The following MYRIP variants were observed in gnomAD, a reference collection of about 807,000 sequenced individuals.
MYRIP encodes rab effector MyRIP.
A neutral mutation model predicts 98.0 loss-of-function variants in MYRIP; 49 were observed. The ratio of observed to expected loss-of-function variants is 0.50; its 90% CI spans 0.40 to 0.63. The LOEUF is 0.63. Among genes scored for constraint, MYRIP ranks in the 30% least tolerant of loss-of-function variants. The pLI is 0.00. For synonymous variants in MYRIP, 404 were observed against 409.5 expected, an observed-to-expected ratio of 0.99 and a Z score of 0.16; for missense variants, 1,004 against 1,058.2, an observed-to-expected ratio of 0.95 and a Z score of 0.71.
intron 13 of MYRIP, among the ~76,000 whole-genome samples, chr3:40,249,230 A>G (rs1490005195): frequency 1.3e-5 from 2 of 152,162 alleles, no homozygotes; most frequent in African/African-American, 2.4e-5. Flanking sequence ...TGATTCCCTA[A>G]CAACACTCAG....
chr3:39,955,704 A>T (rs971088090), intron 2 of MYRIP, among the ~76,000 whole-genome samples: 1 of 152,216 alleles, frequency 6.6e-6, no homozygotes, highest in Non-Finnish European at 1.5e-5. Flanking sequence ...AAATGGGCTA[A>T]ATGCTGCAAT....
chr3:40,051,033 T>C (rs768795515), intron 3 of MYRIP, among the ~76,000 whole-genome samples: 7 of 152,300 alleles, frequency 4.6e-5, no homozygotes, highest in African/African-American at 1.4e-4. Context: ...GAAGATACTA[T>C]GAACATTGTT....
chr3:39,967,723 C>G (rs184137932), intron 2 of MYRIP, among the ~76,000 whole-genome samples: 152 of 152,268 alleles, frequency 1.0e-3, no homozygotes, highest in Non-Finnish European at 1.5e-3. Context: ...GTTCCCATTT[C>G]CCTGCAACCT....
intron 2 of MYRIP, among the ~76,000 whole-genome samples, chr3:40,030,481 C>T (rs1168356000): frequency 6.6e-6 from 1 of 152,108 alleles, no homozygotes; most frequent in African/African-American, 2.4e-5. Context: ...CCTACCAATT[C>T]TACTCCTATA....
At chr3:40,027,443 A>T (rs960011156) in intron 2 of MYRIP, among the ~76,000 whole-genome samples, 1 of 151,716 alleles carries the variant, frequency 6.6e-6, no homozygotes, top group African/African-American at 2.4e-5. Context: ...CCCCAATACT[A>T]AGCTCTTTTT....
intron 3 of MYRIP, among the ~76,000 whole-genome samples, chr3:40,143,536 C>T (rs1361934864): frequency 2.6e-5 from 4 of 152,178 alleles, no homozygotes; most frequent in African/African-American, 9.7e-5. Flanking sequence ...CATGACTGAG[C>T]CTTCCCTGGA....
chr3:40,056,085 C>T (rs9832726), intron 3 of MYRIP, among the ~76,000 whole-genome samples: 1 of 151,904 alleles, frequency 6.6e-6, no homozygotes, highest in African/African-American at 2.4e-5. Context: ...GCACGTGTGA[C>T]AGGCATCCCT....
intron 2 of MYRIP, among the ~76,000 whole-genome samples, chr3:39,954,735 G>A (rs1177980700): frequency 2.5e-4 from 38 of 152,080 alleles, no homozygotes; most frequent in Admixed American, 2.3e-3. Flanking sequence ...CAAGCTGAAG[G>A]AGGATGTTCA....
intron 2 of MYRIP, among the ~76,000 whole-genome samples, chr3:39,973,834 G>T (rs1945668477): frequency 1.3e-5 from 2 of 152,268 alleles, no homozygotes; most frequent in Middle Eastern, 3.4e-3. Flanking sequence ...CAGAAATAAA[G>T]ATGTTCTTTG....
chr3:40,150,193 C>T (rs900484925), intron 3 of MYRIP, among the ~76,000 whole-genome samples: 4 of 152,174 alleles, frequency 2.6e-5, no homozygotes, highest in Admixed American at 2.0e-4. Context: ...TAGGTTCAAG[C>T]GATTCTCCTG....
intron 1 of MYRIP, among the ~76,000 whole-genome samples, chr3:39,892,806 G>A (rs531700787): frequency 6.6e-6 from 1 of 152,270 alleles, no homozygotes; most frequent in South Asian, 2.1e-4. Flanking sequence ...CCTACTTCCT[G>A]CTTCGGTTTT....
chr3:40,234,451 C>A (rs956413546), intron 12 of MYRIP, among the ~76,000 whole-genome samples: 3 of 152,228 alleles, frequency 2.0e-5, no homozygotes, highest in Non-Finnish European at 4.4e-5. Context: ...AACCAGCAGG[C>A]ACTTCAGTCT....
intron 2 of MYRIP, among the ~76,000 whole-genome samples, chr3:40,019,113 G>A (rs13316046): frequency 0.012 from 1,872 of 152,252 alleles, 47 homozygotes; most frequent in African/African-American, 0.043. Flanking sequence ...TCTTGTGTCA[G>A]AGGTTTCTCT....
Position 40,190,474 on chromosome 3 carries a change from T to A in MYRIP, c.1665+11T>A, listed in dbSNP as rs534147680. 1.5e-5 allele frequency: 23 copies of A among 1,564,100 alleles called. No homozygotes were observed. The South Asian group carries it at 2.8e-4, about 19-fold the overall frequency. ...CTAGACACACATCAGGTAATGGAAGTGCATGCGTGCAAATGCACACACACT... is the reference window on the plus strand; with the variant it reads ...CTAGACACACATCAGGTAATGGAAGAGCATGCGTGCAAATGCACACACACT... On this transcript the variant is annotated intron_variant, in intron 10 of 16. Transcript: ENST00000302541.
At chr3:40,054,673 C>G (rs1372205661) in intron 3 of MYRIP, among the ~76,000 whole-genome samples, 1 of 152,140 alleles carries the variant, frequency 6.6e-6, no homozygotes. Flanking sequence ...AACATCCACT[C>G]TTCCCTGGGT....
intron 2 of MYRIP, among the ~76,000 whole-genome samples, chr3:39,964,854 T>C (rs1945403637): frequency 6.6e-6 from 1 of 152,150 alleles, no homozygotes. Flanking sequence ...ATATGTGTAT[T>C]CATCTGATCA....
intron 2 of MYRIP, among the ~76,000 whole-genome samples, chr3:39,977,295 G>A (rs1046424634): frequency 6.6e-6 from 1 of 152,090 alleles, no homozygotes; most frequent in African/African-American, 2.4e-5. Flanking sequence ...TTCAGGCCAG[G>A]CTCAGGCTTA....
intron 8 of MYRIP, among the ~76,000 whole-genome samples, chr3:40,171,612 C>G (rs1332950211): frequency 6.6e-6 from 1 of 152,226 alleles, no homozygotes. Flanking sequence ...TGGGCTCTGT[C>G]TCTGCCACTC....
At chr3:40,044,955 A>G (rs182059277) in intron 3 of MYRIP, among the ~76,000 whole-genome samples, 1 of 152,314 alleles carries the variant, frequency 6.6e-6, no homozygotes, top group Non-Finnish European at 1.5e-5. Flanking sequence ...TCTGTTGAGT[A>G]TTTGGAAACT....
Sources: allele counts gnomAD v4.1 joint callset (sites outside exome capture counted in the v4.1 genomes callset), GRCh38; gene constraint gnomAD v4.1.1; transcripts MANE v1.5; gene names NCBI Gene and HGNC (gene_info 2026-07-23, HGNC 2026-07-21).